Variants in CFAP61 observed in about 807,000 individuals in gnomAD.
CFAP61 encodes cilia- and flagella-associated protein 61.
CFAP61 carries 107 observed loss-of-function variants against 135.6 expected under a neutral mutation model. The ratio of observed to expected loss-of-function variants is 0.79; its 90% CI spans 0.67 to 0.93. CFAP61 has a LOEUF of 0.93. Ranked by LOEUF, CFAP61 falls within the 40% of genes least tolerant of loss-of-function variation. CFAP61 has a pLI of 0.00. For missense variants in CFAP61, 1,507 were observed against 1,556.2 expected, an observed-to-expected ratio of 0.97 and a Z score of 0.53; for synonymous variants, 575 against 578.5, an observed-to-expected ratio of 0.99 and a Z score of 0.09.
At chr20:20,147,153 G>A (rs2051958924) in intron 9 of CFAP61, among the ~76,000 whole-genome samples, 1 of 152,182 alleles carries the variant, frequency 6.6e-6, no homozygotes, top group African/African-American at 2.4e-5. Flanking sequence ...TTGGTTGATG[G>A]ACACTTAGTT....
intron 26 of CFAP61, among the ~76,000 whole-genome samples, chr20:20,350,448 G>A (rs1405681668): frequency 6.6e-6 from 1 of 152,198 alleles, no homozygotes; most frequent in Non-Finnish European, 1.5e-5. Flanking sequence ...GGCCAACGTG[G>A]TGAAACCACA....
At position 20,277,221 on chromosome 20, in the gene CFAP61, C is replaced by G. The variant is rs2053828445; in HGVS notation, c.2559C>G (p.Leu853=). The change falls in exon 22 of 27, where the codon CTC becomes CTG. Residue 853 remains leucine, a synonymous_variant. Transcript: ENST00000245957. The part of the protein sequence containing the change: ...TIDTYTTVET[L]LNLGVSGSRI... ...ATACTTACACCACCGTGGAGACGCTCTTAAACCTTGGCGTGAGCGGCAGCC... is the reference window on the plus strand; with the variant it reads ...ATACTTACACCACCGTGGAGACGCTGTTAAACCTTGGCGTGAGCGGCAGCC... The G allele has an allele frequency of 1.9e-6, 3 of 1,613,776 alleles. No homozygotes were observed. Among genetic ancestry groups the G allele is most frequent in the Non-Finnish European group, 2.5e-6 (3 of 1,179,956 alleles).
At chr20:20,211,814 A>C (rs1263993335) in intron 17 of CFAP61, among the ~76,000 whole-genome samples, 1 of 152,214 alleles carries the variant, frequency 6.6e-6, no homozygotes, top group Non-Finnish European at 1.5e-5. Context: ...TATTTAACCA[A>C]AAAGAGCTGT....
Position 20,228,375 on chromosome 20 carries a change from T to C in CFAP61, c.2059T>C (p.Cys687Arg), listed in dbSNP as rs978089287. 11 of 1,605,496 alleles carry C rather than the reference T, an allele frequency of 6.9e-6. No individual in the cohort carries two copies. Among genetic ancestry groups the C allele is most frequent in the Admixed American group, 1.7e-5 (1 of 59,928 alleles). Reference sequence around the variant, plus strand: ...TTCCTTCCTAGAGACATTGGTATTTTGGTGAGTTGTTTCACTCTATTGATT... The same window carrying C: ...TTCCTTCCTAGAGACATTGGTATTTCGGTGAGTTGTTTCACTCTATTGATT... ...GISFLETLVF[C>R]SHMKFNNLTL... is the part of the protein sequence containing the mutation. The change falls in exon 18 of 27, where the codon TGC (cysteine) becomes CGC (arginine). Residue 687 changes from cysteine (C) to arginine (R), a missense_variant and splice_region_variant. Cys to Arg is a radical substitution (Grantham distance 180, BLOSUM62 -3). Transcript: ENST00000245957.
At chr20:20,337,378 A>G (rs145921657) in intron 25 of CFAP61, among the ~76,000 whole-genome samples, 5 of 2,578 alleles carry the variant, frequency 1.9e-3, no homozygotes, top group Non-Finnish European at 3.8e-3. Flanking sequence ...GGATGGATGG[A>G]TGGATGGATG....
At chr20:20,235,602 T>G (rs1420227140) in intron 18 of CFAP61, among the ~76,000 whole-genome samples, 1 of 152,152 alleles carries the variant, frequency 6.6e-6, no homozygotes, top group Non-Finnish European at 1.5e-5. Context: ...TGTGCACCCT[T>G]TCCCACTTCC....
chr20:20,246,078 C>A, intron 18 of CFAP61, 39 bp from the exon 19 acceptor site: 1 of 1,346,928 alleles, frequency 7.4e-7, no homozygotes, highest in Non-Finnish European at 1.1e-6. Flanking sequence ...CTAAATTGCA[C>A]TTAACTGCTT....
At chr20:20,163,741 A>C (rs1433003195) in intron 10 of CFAP61, among the ~76,000 whole-genome samples, 1 of 151,996 alleles carries the variant, frequency 6.6e-6, no homozygotes, top group Non-Finnish European at 1.5e-5. Flanking sequence ...TGCCTGCATT[A>C]GGTGTTTGTC....
chr20:20,090,717 G>T (rs1293363659), intron 6 of CFAP61, 127 bp from the exon 7 acceptor site: 6 of 666,918 alleles, frequency 9.0e-6, no homozygotes, highest in Non-Finnish European at 1.2e-5. Flanking sequence ...AAAAAAGAAG[G>T]AAAGTTGATA....
chr20:20,247,959 T>G (rs1208648713), intron 19 of CFAP61, among the ~76,000 whole-genome samples: 1 of 152,248 alleles, frequency 6.6e-6, no homozygotes, highest in Non-Finnish European at 1.5e-5. Context: ...AAATATTGTA[T>G]TATTTGCCTT....
chr20:20,300,608 T>G (rs928586410), intron 25 of CFAP61, among the ~76,000 whole-genome samples: 4 of 145,444 alleles, frequency 2.8e-5, no homozygotes, highest in African/African-American at 7.5e-5. Context: ...GTTTTTTTTG[T>G]TTTTTTTTTT....
At chr20:20,211,435 A>T (rs1272902971) in intron 17 of CFAP61, among the ~76,000 whole-genome samples, 2 of 152,260 alleles carry the variant, frequency 1.3e-5, no homozygotes, top group African/African-American at 4.8e-5. Flanking sequence ...CTTAGTCAAG[A>T]TGACTGATGT....
Position 20,159,446 on chromosome 20 carries a change from T to C in CFAP61, c.1026+2T>C. 1 of 1,613,598 alleles carries C rather than the reference T, an allele frequency of 6.2e-7. No homozygotes were observed. Among genetic ancestry groups the C allele is most frequent in the Non-Finnish European group, 8.5e-7 (1 of 1,179,582 alleles). On this transcript the variant is annotated splice_donor_variant, in intron 10 of 26. Transcript: ENST00000245957. LOFTEE classifies it high-confidence loss of function. Reference sequence around the variant, plus strand: ...AGTGGAAATGTTAGTGAACCGGAGGTAGGGTTTGACGAGGGCCTTTGCGTG... The same window carrying C: ...AGTGGAAATGTTAGTGAACCGGAGGCAGGGTTTGACGAGGGCCTTTGCGTG...
At chr20:20,141,338 A>G (rs2051384265) in intron 8 of CFAP61, among the ~76,000 whole-genome samples, 1 of 152,350 alleles carries the variant, frequency 6.6e-6, no homozygotes, top group Non-Finnish European at 1.5e-5. Flanking sequence ...TAAGCCTAAA[A>G]AGCATCCTGC....
chr20:20,065,188 G>A (rs753435948), intron 2 of CFAP61, among the ~76,000 whole-genome samples: 36 of 152,150 alleles, frequency 2.4e-4, no homozygotes, highest in Non-Finnish European at 4.6e-4. Flanking sequence ...TGGTATAAAT[G>A]TGAAAAACAT....
intron 21 of CFAP61, among the ~76,000 whole-genome samples, chr20:20,275,708 A>G (rs1601767876): frequency 2.0e-5 from 3 of 152,332 alleles, no homozygotes; most frequent in East Asian, 3.9e-4. Flanking sequence ...GAAAATGAAT[A>G]TTGTTTTGGC....
rs186640510 is a variant in CFAP61 at position 20,112,493 on chromosome 20, T to C, written c.859+13679T>C. On this transcript the variant is annotated intron_variant, in intron 8 of 26. Coordinates refer to ENST00000245957, the MANE Select transcript of CFAP61 (RefSeq NM_015585.4). ...TCCCTATCCTAATTAATTTTTGATATCTCTTTTTTTAATAAGGTAAAATAA... is the reference window on the plus strand; with the variant it reads ...TCCCTATCCTAATTAATTTTTGATACCTCTTTTTTTAATAAGGTAAAATAA... Among the ~76,000 whole-genome samples the C allele has an allele frequency of 2.8e-4, 42 of 152,264 alleles. No homozygotes were observed. In the East Asian group the frequency reaches 8.1e-3, roughly 29 times the overall value.
intron 8 of CFAP61, among the ~76,000 whole-genome samples, chr20:20,139,628 G>A (rs968919198): frequency 1.3e-5 from 2 of 152,148 alleles, no homozygotes; most frequent in African/African-American, 2.4e-5. Context: ...AGACCCCAGA[G>A]ACACTGGAGA....
intron 8 of CFAP61, among the ~76,000 whole-genome samples, chr20:20,124,730 C>T (rs115662384): frequency 0.1 from 15,019 of 149,390 alleles, 1,650 homozygotes; most frequent in East Asian, 0.6. Flanking sequence ...CCTGGTTCAT[C>T]CATAGAATGA....
Sources: gnomAD v4.1 joint callset for allele counts (sites outside exome capture counted in the v4.1 genomes callset) on GRCh38, gnomAD v4.1.1 for gene constraint, MANE v1.5 for transcripts, NCBI Gene and HGNC (gene_info 2026-07-23, HGNC 2026-07-21) for gene names.